Variants in ASTN1 observed in about 807,000 individuals in gnomAD.
The protein encoded by ASTN1 is astrotactin-1.
ASTN1 carries 41 observed loss-of-function variants against 140.7 expected under a neutral mutation model. The observed-to-expected ratio is 0.29, with a 90% confidence interval of 0.23 to 0.38. ASTN1 has a LOEUF of 0.38. ASTN1 is among the 10% of genes least tolerant of loss of function. ASTN1 has a pLI of 1.00. For synonymous variants in ASTN1, 640 were observed against 652.2 expected (o/e 0.98, Z 0.29); for missense variants, 1,479 against 1,678.8 (o/e 0.88, Z 2.08).
intron 9 of ASTN1, among the ~76,000 whole-genome samples, chr1:176,964,459 T>A (rs1200038770): frequency 6.6e-6 from 1 of 152,238 alleles, no homozygotes; most frequent in Non-Finnish European, 1.5e-5. Flanking sequence ...TGGTAAGATC[T>A]TATTTTGGAA....
chr1:177,149,319 G>C (rs1321229054), intron 1 of ASTN1, among the ~76,000 whole-genome samples: 6 of 73,968 alleles, frequency 8.1e-5, no homozygotes, highest in South Asian at 4.4e-4. Flanking sequence ...TATATATATA[G>C]TATATATATA....
chr1:176,989,101 C>T (rs979456131), intron 8 of ASTN1, among the ~76,000 whole-genome samples: 1 of 152,134 alleles, frequency 6.6e-6, no homozygotes. Context: ...AGGGGCATTT[C>T]CCAACTTTGA....
chr1:177,028,722 A>G (rs1413577740), intron 5 of ASTN1, among the ~76,000 whole-genome samples: 1 of 152,216 alleles, frequency 6.6e-6, no homozygotes, highest in Non-Finnish European at 1.5e-5. Context: ...TTCTAACAGC[A>G]ACAATAGGGA....
At chr1:176,923,056 C>T (rs1025009190) in intron 16 of ASTN1, among the ~76,000 whole-genome samples, 26 of 152,128 alleles carry the variant, frequency 1.7e-4, no homozygotes, top group African/African-American at 6.3e-4. Flanking sequence ...CTGAGGTTCA[C>T]AGCCATTAAG....
chr1:177,144,225 G>T (rs947149821), intron 1 of ASTN1, among the ~76,000 whole-genome samples: 1 of 151,250 alleles, frequency 6.6e-6, no homozygotes, highest in Admixed American at 6.6e-5. Context: ...AAACATGTCC[G>T]GAGATGAGAT....
intron 7 of ASTN1, among the ~76,000 whole-genome samples, chr1:177,015,612 C>T (rs10913288): frequency 0.35 from 52,607 of 152,032 alleles, 9,924 homozygotes; most frequent in Non-Finnish European, 0.43. Flanking sequence ...CACTACATTT[C>T]ATTATAATTT....
chr1:176,937,793 A>G (rs1032831662), intron 14 of ASTN1, among the ~76,000 whole-genome samples: 1 of 152,162 alleles, frequency 6.6e-6, no homozygotes, highest in African/African-American at 2.4e-5. Context: ...GCACATGTCT[A>G]CAAATATAAT....
At chr1:176,944,987 C>T (rs1307346530) in intron 13 of ASTN1, among the ~76,000 whole-genome samples, 1 of 152,178 alleles carries the variant, frequency 6.6e-6, no homozygotes, top group Non-Finnish European at 1.5e-5. Flanking sequence ...AGGGTCTAGG[C>T]CCAGGTTGCT....
intron 22 of ASTN1, among the ~76,000 whole-genome samples, chr1:176,865,839 G>A (rs906407831): frequency 1.2e-4 from 19 of 152,194 alleles, no homozygotes; most frequent in African/African-American, 2.7e-4. Context: ...GAAGATGAAA[G>A]GTACATCTCA....
chr1:177,154,081 A>G (rs1558134620), intron 1 of ASTN1, among the ~76,000 whole-genome samples: 2 of 152,196 alleles, frequency 1.3e-5, no homozygotes, highest in Non-Finnish European at 2.9e-5. Context: ...TGCTCCTGCT[A>G]TGTATCCCAG....
At chr1:177,130,625 A>G (rs1196452065) in intron 1 of ASTN1, among the ~76,000 whole-genome samples, 3 of 152,168 alleles carry the variant, frequency 2.0e-5, no homozygotes, top group East Asian at 1.9e-4. Flanking sequence ...TGCACCCACC[A>G]GAGTTAGCCT....
rs1472659278 is a variant in ASTN1 at position 176,926,029 on chromosome 1, G to A, written c.2671+8123C>T. On this transcript the variant is annotated intron_variant, in intron 16 of 22. Coordinates refer to ENST00000361833, the MANE Select transcript of ASTN1 (RefSeq NM_004319.3). ...TCACCGTGTTAGCCAGGATGGTCTC[G>A]ATCTTCTGACCTCCTGATCTGTCCG... is the stretch of plus-strand genomic sequence containing the variant. 4.6e-5 allele frequency among the ~76,000 whole-genome samples: 7 copies of A among 152,042 alleles called. No homozygotes were observed. The South Asian group carries it at 8.3e-4, about 18-fold the overall frequency.
At chr1:176,981,190 T>A (rs1468339046) in intron 8 of ASTN1, among the ~76,000 whole-genome samples, 2 of 111,532 alleles carry the variant, frequency 1.8e-5, no homozygotes, top group African/African-American at 7.4e-5. Context: ...CCAGCCTGGG[T>A]GACAGAAGGA....
intron 16 of ASTN1, among the ~76,000 whole-genome samples, chr1:176,924,574 A>C (rs1670874959): frequency 6.6e-6 from 1 of 152,198 alleles, no homozygotes; most frequent in African/African-American, 2.4e-5. Context: ...CCAGAAAAGC[A>C]GGAAAATTTT....
At chr1:176,912,937 T>C (rs1358641504) in intron 16 of ASTN1, among the ~76,000 whole-genome samples, 2 of 152,164 alleles carry the variant, frequency 1.3e-5, no homozygotes, top group Admixed American at 6.5e-5. Flanking sequence ...TCCCCCATAT[T>C]TGAAGAAAAA....
At chr1:176,865,903 A>C (rs1036033160) in intron 22 of ASTN1, among the ~76,000 whole-genome samples, 1 of 152,166 alleles carries the variant, frequency 6.6e-6, no homozygotes, top group Non-Finnish European at 1.5e-5. Context: ...CATTTTTAAA[A>C]CCATCAGATC....
At chr1:176,963,442 T>C in intron 9 of ASTN1, among the ~76,000 whole-genome samples, 1 of 152,166 alleles carries the variant, frequency 6.6e-6, no homozygotes, top group Non-Finnish European at 1.5e-5. Context: ...TTTGAGAGGC[T>C]AGTTATTTCC....
intron 1 of ASTN1, among the ~76,000 whole-genome samples, chr1:177,093,020 A>T (rs889595773): frequency 4.6e-5 from 7 of 152,192 alleles, no homozygotes; most frequent in Non-Finnish European, 1.5e-5. Context: ...CTGAACAGAG[A>T]GCTCTGTGCC....
chr1:177,091,007 C>T (rs1373389939), intron 1 of ASTN1, among the ~76,000 whole-genome samples: 1 of 151,976 alleles, frequency 6.6e-6, no homozygotes, highest in South Asian at 2.1e-4. Flanking sequence ...TGAGTCTGGT[C>T]CTGCTTGATA....
Sources: allele counts gnomAD v4.1 joint callset (sites outside exome capture counted in the v4.1 genomes callset), GRCh38; gene constraint gnomAD v4.1.1; transcripts MANE v1.5; gene names NCBI Gene and HGNC (gene_info 2026-07-23, HGNC 2026-07-21).